The following KLK7 variants were observed in gnomAD, a reference collection of about 807,000 sequenced individuals.
KLK7 encodes the protein kallikrein related peptidase 7.
KLK7 carries 17 observed loss-of-function variants against 21.0 expected under a neutral mutation model. That is an observed-to-expected ratio of 0.81 (90% CI 0.55 to 1.21). The LOEUF (loss-of-function observed/expected upper bound fraction) is 1.21. Ranked by LOEUF, KLK7 falls within the 50% of genes most tolerant of loss-of-function variation. The pLI, the probability that KLK7 is intolerant of heterozygous loss-of-function variation, is 0.00. For synonymous variants in KLK7, 151 were observed against 134.6 expected (o/e 1.12, Z -0.85); for missense variants, 330 against 322.8 (o/e 1.02, Z -0.17).
In KLK7 at chr19:50,978,499, A is replaced by G. The variant is rs529523697; in HGVS notation, c.607-808T>C. On this transcript the variant is annotated intron_variant, in intron 5 of 5. Coordinates refer to ENST00000595820, the MANE Select transcript of KLK7 (RefSeq NM_005046.4). ...GAGAGACAGAGAGATGGGGGTGGAA[A>G]AGAAGGAGGGAGAAGAGAGACAGAC... Among the ~76,000 whole-genome samples the G allele has an allele frequency of 8.1e-5, 12 of 147,830 alleles. No individual in the cohort carries two copies. The South Asian group carries it at 2.7e-3, about 33-fold the overall frequency.
At chr19:50,982,582 T>C (rs544055049) in intron 1 of KLK7, 125 bp from the exon 2 acceptor site, 1 of 600,478 alleles carries the variant, frequency 1.7e-6, no homozygotes. Context: ...GACCCAGGGG[T>C]CCAGGCCCCA....
In KLK7 at chr19:50,977,521, T is replaced by A; in HGVS notation, c.*15A>T. On this transcript the variant is annotated 3_prime_UTR_variant, in exon 6 of 6. Coordinates refer to ENST00000595820, the MANE Select transcript of KLK7 (RefSeq NM_005046.4). ...TTTCTGTTGGAAGCACACAGTTAAT[T>A]AACTCAGTGTGGCGTTAGCGATGCT... 6.2e-7 allele frequency: 1 copy of A among 1,612,110 alleles called. No homozygotes were observed.
rs1159939946 is a variant in KLK7, at chr19:50,976,796, C to T, written c.*740G>A. ...GTGGCTCATGCCTGTAATCCCAGCA[C>T]TTTGGGAGGCCAAGGTGGGTGGATC... is the stretch of plus-strand genomic sequence containing the variant. On this transcript the variant is annotated 3_prime_UTR_variant, in exon 6 of 6. Coordinates refer to ENST00000595820, the MANE Select transcript of KLK7 (RefSeq NM_005046.4). 1.3e-5 allele frequency: 2 copies of T among 152,226 alleles called. No homozygotes were observed. Among genetic ancestry groups the T allele is most frequent in the Admixed American group, 6.5e-5 (1 of 15,274 alleles). The allele number at this position is 152,226 out of a possible 1,614,324, so 9.4% of individuals were successfully genotyped here.
upstream of KLK7, chr19:50,984,033 T>A: frequency 4.0e-6 from 3 of 749,988 alleles, no homozygotes; most frequent in Non-Finnish European, 5.9e-6. Flanking sequence ...GCGGTTCTGG[T>A]TATCTGGAAC....
At position 50,981,847 on chromosome 19, in the gene KLK7, C is replaced by T. The variant is rs758235233; in HGVS notation, c.141G>A (p.Leu47=). The stretch of plus-strand genomic sequence containing the variant: ...CGCAGTGGAGCTGATTGCCACTGAG[C>T]AGGGCCACCTGCCATGGGTGGGAGC... ...ARGSHPWQVA[L]LSGNQLHCGG... Residue 47 remains leucine (L), a synonymous_variant, in exon 3 of 6, where the codon CTG becomes CTA. Transcript: ENST00000595820. 9.9e-6 allele frequency: 16 copies of T among 1,610,894 alleles called. No individual in the cohort carries two copies. Among genetic ancestry groups the T allele is most frequent in the Admixed American group, 3.4e-5 (2 of 59,620 alleles).
At chr19:50,982,768 C>G (rs1225919769) in intron 1 of KLK7, among the ~76,000 whole-genome samples, 1 of 150,414 alleles carries the variant, frequency 6.6e-6, no homozygotes, top group Non-Finnish European at 1.5e-5. Context: ...ACCCAGGAGT[C>G]CAGGCCCCCA....
rs537463615 is a variant in KLK7 at position 50,983,437 on chromosome 19, C to T, written c.-59+414G>A. On this transcript the variant is annotated intron_variant, in intron 1 of 5. Transcript: ENST00000595820. ...CCTAGGAGTCCAGGTCCCAGCCCCT[C>T]CTCCCTCAGACCCAGGAGTCCAGGC... Among the ~76,000 whole-genome samples, 85 of 142,136 alleles carry T rather than the reference C, an allele frequency of 6.0e-4. 1 individual carries two copies. In the Middle Eastern group the frequency reaches 0.023, roughly 38 times the overall value. 93.2% of individuals were successfully genotyped at this position (142,136 alleles called of 152,430 possible).
chr19:50,979,153 G>A lies in KLK7; in HGVS notation c.606+635C>T, dbSNP rs997118425. 3.9e-5 allele frequency among the ~76,000 whole-genome samples: 6 copies of A among 152,190 alleles called. No homozygotes were observed. In the East Asian group the frequency reaches 1.2e-3, roughly 29 times the overall value. ...CAGAGAGGAGGTGGAGAGAAAGAGT[G>A]TTTTCCCCGGGACCAGGGCCAGGGT... On this transcript the variant is annotated intron_variant, in intron 5 of 5. Transcript: ENST00000595820.
rs760749528 is a variant in KLK7, at chr19:50,981,905, T to A, written c.83A>T (p.Asp28Val). ...ACATGGGGCGCCATCAATAATCTTGTCACCCTGGGCTGGATGGAGACATGG... is the reference window on the plus strand; with the variant it reads ...ACATGGGGCGCCATCAATAATCTTGACACCCTGGGCTGGATGGAGACATGG... Reference protein sequence around the residue: ...LETAGEEAQGDKIIDGAPCAR... With the variant: ...LETAGEEAQGVKIIDGAPCAR... The change falls in exon 3 of 6, where the codon GAC (aspartate) becomes GTC (valine). Residue 28 changes from aspartate to valine, a missense_variant. Physicochemically the swap from Asp to Val is radical, Grantham distance 152. Transcript: ENST00000595820. 2 of 1,612,786 alleles carry A rather than the reference T, an allele frequency of 1.2e-6. No individual in the cohort carries two copies. Among genetic ancestry groups the A allele is most frequent in the South Asian group, 2.2e-5 (2 of 90,532 alleles).
rs1238660489 is a variant in KLK7 at position 50,982,452 on chromosome 19, C to T, written c.-53G>A. On this transcript the variant is annotated 5_prime_UTR_variant, in exon 2 of 6. Coordinates refer to ENST00000595820, the MANE Select transcript of KLK7 (RefSeq NM_005046.4). ...GCCAGGCGAGGAAGGGCCTCTCCTG[C>T]TGGAGCTGAGAAGGAGAAAGCATTC... 1 of 1,565,108 alleles carries T rather than the reference C, an allele frequency of 6.4e-7. No individual in the cohort carries two copies. The highest frequency in any genetic ancestry group is 8.7e-7 in the Non-Finnish European group (1 of 1,155,574).
chr19:50,978,481 A>G (rs2091052256), intron 5 of KLK7, among the ~76,000 whole-genome samples: 1 of 137,080 alleles, frequency 7.3e-6, no homozygotes, highest in African/African-American at 2.8e-5. Flanking sequence ...AGAGAGAGAC[A>G]GAGAGATGGG....
At chr19:50,978,052 G>A (rs750992143) in intron 5 of KLK7, among the ~76,000 whole-genome samples, 8 of 152,220 alleles carry the variant, frequency 5.3e-5, no homozygotes, top group Non-Finnish European at 8.8e-5. Context: ...AGGGGGACAC[G>A]ATGGTCTCGG....
chr19:50,980,542 G>C, intron 3 of KLK7, 55 bp from the exon 4 acceptor site: 1 of 1,606,538 alleles, frequency 6.2e-7, no homozygotes, highest in Non-Finnish European at 8.5e-7. Flanking sequence ...GAGAGGGTGT[G>C]CAAAGACCTG....
At chr19:50,979,612 A>G (rs1361528799) in intron 5 of KLK7, among the ~76,000 whole-genome samples, 176 bp downstream of exon 5, 3 of 152,084 alleles carry the variant, frequency 2.0e-5, no homozygotes, top group African/African-American at 4.8e-5. Context: ...ATTGGCCCCT[A>G]AGTAAACTCC....
In KLK7 at chr19:50,977,473, TC is replaced by T; in HGVS notation, c.*62del. ...AAGTCAAATTTGACTTCATAGGTCA[TC>T]GGCGTCCTCACTCCTGTGCATTTTC... is the stretch of plus-strand genomic sequence containing the variant. On this transcript the variant is annotated 3_prime_UTR_variant, in exon 6 of 6. Coordinates refer to ENST00000595820, the MANE Select transcript of KLK7 (RefSeq NM_005046.4). The T allele has an allele frequency of 6.6e-7, 1 of 1,518,640 alleles. No homozygotes were observed. The highest frequency in any genetic ancestry group is 9.1e-7 in the Non-Finnish European group (1 of 1,096,700). 94.1% of individuals were successfully genotyped at this position (1,518,640 alleles called of 1,614,324 possible). A position where few individuals can be genotyped will look rare whatever the true frequency, so the allele number is the denominator to read the frequency against.
intron 1 of KLK7, among the ~76,000 whole-genome samples, chr19:50,983,174 T>TC (rs2091104158): frequency 9.7e-6 from 1 of 103,360 alleles, no homozygotes; most frequent in South Asian, 3.3e-4. Flanking sequence ...GGAGTCCAGG[T>TC]CTCAGTCCCT....
At chr19:50,978,855 C>A in intron 5 of KLK7, among the ~76,000 whole-genome samples, 1 of 117,290 alleles carries the variant, frequency 8.5e-6, no homozygotes, top group African/African-American at 3.4e-5. Flanking sequence ...GAGGAGAGGG[C>A]CAGAGAGGAG....
At chr19:50,978,087 T>A (rs1438978682) in intron 5 of KLK7, among the ~76,000 whole-genome samples, 1 of 152,226 alleles carries the variant, frequency 6.6e-6, no homozygotes, top group Non-Finnish European at 1.5e-5. Context: ...ACCAGTTACA[T>A]AATTTACAGG....
At chr19:50,982,562 TCCTCCCTCAGACCCAGGGGTCCAGGCC>T in intron 1 of KLK7, 105 bp from the exon 2 acceptor site, 2 of 199,738 alleles carry the variant, frequency 1.0e-5, no homozygotes, top group Middle Eastern at 1.7e-3. Flanking sequence ...CCCCAGCCCC[TCCTCCCTCAGACCCAGGGGTCCAGGCC>T]CCAGCCCCTC....
Sources: allele counts gnomAD v4.1 joint callset (sites outside exome capture counted in the v4.1 genomes callset), GRCh38; gene constraint gnomAD v4.1.1; transcripts MANE v1.5; gene names NCBI Gene and HGNC (gene_info 2026-07-23, HGNC 2026-07-21).